Variants in PPARGC1B observed in about 807,000 individuals in gnomAD.
PPARGC1B encodes peroxisome proliferator-activated receptor gamma coactivator 1-beta.
In PPARGC1B, 34 loss-of-function variants were observed where a neutral mutation model predicts 101.6. The observed-to-expected ratio is 0.33, with a 90% CI of 0.25 to 0.45. The LOEUF (loss-of-function observed/expected upper bound fraction) is 0.45, where lower values mean the gene tolerates loss of function less well. PPARGC1B is among the 20% of genes least tolerant of loss of function. PPARGC1B has a pLI of 1.00. For synonymous variants in PPARGC1B, 548 were observed against 539.3 expected (o/e 1.02, Z -0.22); for missense variants, 1,234 against 1,317.6 (o/e 0.94, Z 0.98).
intron 3 of PPARGC1B, 25 bp from the exon 4 acceptor site, chr5:149,830,742 C>T (rs1174300036): frequency 6.4e-6 from 10 of 1,573,120 alleles, no homozygotes; most frequent in African/African-American, 1.3e-5. Flanking sequence ...AGCCCCGGCT[C>T]CTGTCCTCTC....
intron 1 of PPARGC1B, among the ~76,000 whole-genome samples, chr5:149,770,006 G>A (rs544100568): frequency 4.6e-5 from 7 of 152,250 alleles, no homozygotes; most frequent in African/African-American, 1.7e-4. Context: ...AGATCAGGAC[G>A]TGGACATCTG....
At chr5:149,774,927 G>T (rs183432103) in intron 1 of PPARGC1B, among the ~76,000 whole-genome samples, 1 of 152,266 alleles carries the variant, frequency 6.6e-6, no homozygotes, top group Admixed American at 6.5e-5. Context: ...CCAGGATCTA[G>T]ATGGGCTCAT....
At chr5:149,788,959 G>A (rs576477920) in intron 1 of PPARGC1B, among the ~76,000 whole-genome samples, 126 of 152,260 alleles carry the variant, frequency 8.3e-4, no homozygotes, top group African/African-American at 2.8e-3. Flanking sequence ...ATAACATTAG[G>A]AGATACACCT....
At chr5:149,753,675 G>A (rs1755401387) in intron 1 of PPARGC1B, among the ~76,000 whole-genome samples, 1 of 151,966 alleles carries the variant, frequency 6.6e-6, no homozygotes, top group Admixed American at 6.6e-5. Flanking sequence ...TCAGTTAAAA[G>A]GTGTTGTGTA....
intron 1 of PPARGC1B, among the ~76,000 whole-genome samples, chr5:149,736,150 CAAAA>C (rs1199411344): frequency 6.6e-6 from 1 of 152,012 alleles, no homozygotes; most frequent in Non-Finnish European, 1.5e-5. Flanking sequence ...TCCAAAAAAA[CAAAA>C]AAGAAAGAAT....
At chr5:149,818,336 C>T (rs992113466) in intron 1 of PPARGC1B, among the ~76,000 whole-genome samples, 1 of 152,196 alleles carries the variant, frequency 6.6e-6, no homozygotes, top group Non-Finnish European at 1.5e-5. Context: ...TGAGTGGGCT[C>T]TCAATAATGA....
At chr5:149,770,354 G>A (rs1351739516) in intron 1 of PPARGC1B, among the ~76,000 whole-genome samples, 5 of 152,126 alleles carry the variant, frequency 3.3e-5, no homozygotes, top group African/African-American at 9.7e-5. Context: ...CTAGAATCAT[G>A]TGTCTTTTGC....
intron 1 of PPARGC1B, among the ~76,000 whole-genome samples, chr5:149,811,986 G>A (rs192970359): frequency 3.9e-5 from 6 of 152,302 alleles, no homozygotes; most frequent in South Asian, 2.1e-4. Flanking sequence ...ATCCACTCCC[G>A]CCAGACCTGG....
intron 1 of PPARGC1B, among the ~76,000 whole-genome samples, chr5:149,818,252 T>C (rs10491360): frequency 0.11 from 16,136 of 152,272 alleles, 1,361 homozygotes; most frequent in African/African-American, 0.22. Context: ...GATTTAGAAT[T>C]ACATGTTTTG....
intron 1 of PPARGC1B, among the ~76,000 whole-genome samples, chr5:149,773,839 G>A (rs1051489484): frequency 6.6e-6 from 1 of 152,048 alleles, no homozygotes; most frequent in Non-Finnish European, 1.5e-5. Context: ...GAGGGAACTG[G>A]CTGCCCAGCG....
chr5:149,808,365 C>T lies in PPARGC1B; in HGVS notation c.79-12068C>T, dbSNP rs148113844. Among the ~76,000 whole-genome samples, 592 of 152,210 alleles carry T rather than the reference C, an allele frequency of 3.9e-3. 6 individuals are homozygous for T. The highest frequency in any genetic ancestry group is 0.031 in the East Asian group (158 of 5,180). On this transcript the variant is annotated intron_variant, in intron 1 of 11. Coordinates refer to ENST00000309241, the MANE Select transcript of PPARGC1B (RefSeq NM_133263.4). ...GGTCCTTGGATGCCAGGGCCTTTCA[C>T]TCCTGAGAGTCAAGAGAGCAGCTGA... is the stretch of plus-strand genomic sequence containing the variant.
At chr5:149,835,435 T>G (rs1455401737) in intron 7 of PPARGC1B, 70 bp downstream of exon 7, 32 of 1,396,098 alleles carry the variant, frequency 2.3e-5, no homozygotes, top group Non-Finnish European at 3.1e-5. Flanking sequence ...TTTTTCATCA[T>G]GCATGGGCAA....
chr5:149,804,979 T>C (rs1384026423), intron 1 of PPARGC1B, among the ~76,000 whole-genome samples: 3 of 152,134 alleles, frequency 2.0e-5, no homozygotes, highest in Non-Finnish European at 4.4e-5. Context: ...GGGGAGGGTT[T>C]TCAGCAGGAG....
Position 149,798,654 on chromosome 5 carries a change from C to G in PPARGC1B, c.79-21779C>G, listed in dbSNP as rs180896677. Reference sequence around the variant, plus strand: ...CTCCAGCCAATGGAGTTCTAGTTCACGTTCTTCCCCTGTTGCAACCTTGGT... The same window carrying G: ...CTCCAGCCAATGGAGTTCTAGTTCAGGTTCTTCCCCTGTTGCAACCTTGGT... On this transcript the variant is annotated intron_variant, in intron 1 of 11. Transcript: ENST00000309241. 2.7e-3 allele frequency among the ~76,000 whole-genome samples: 408 copies of G among 152,324 alleles called. 3 individuals are homozygous for G. The highest frequency in any genetic ancestry group is 3.5e-3 in the Non-Finnish European group (241 of 68,028).
rs552360007 is a variant in PPARGC1B, at chr5:149,832,301, C to G, written c.583-355C>G. ...AGTGCTCATTTGTAGCAAGTCCTTCCTACGCCCAGCTCCAGGCTACCATGA... is the reference window on the plus strand; with the variant it reads ...AGTGCTCATTTGTAGCAAGTCCTTCGTACGCCCAGCTCCAGGCTACCATGA... On this transcript the variant is annotated intron_variant, in intron 4 of 11. Coordinates refer to ENST00000309241, the MANE Select transcript of PPARGC1B (RefSeq NM_133263.4). This position sits in a 1 kb window ranked among gnomAD's most constrained non-coding sequence, Gnocchi z 4.9. Among the ~76,000 whole-genome samples, 21 of 152,170 alleles carry G rather than the reference C, an allele frequency of 1.4e-4. No individual in the cohort carries two copies. The highest frequency in any genetic ancestry group is 6.2e-4 in the South Asian group (3 of 4,824).
At position 149,826,657 on chromosome 5, in the gene PPARGC1B, G is replaced by T; in HGVS notation, c.253-16G>T. On this transcript the variant is annotated splice_polypyrimidine_tract_variant and intron_variant, in intron 2 of 11. Transcript: ENST00000309241. ...CCCCATCTGCCTTTCTGACCCTCCCGCCCTCCTCACTCCAGATTGACAGTG... is the reference window on the plus strand; with the variant it reads ...CCCCATCTGCCTTTCTGACCCTCCCTCCCTCCTCACTCCAGATTGACAGTG... The T allele has an allele frequency of 1.2e-6, 2 of 1,602,956 alleles. No homozygotes were observed. Among genetic ancestry groups the T allele is most frequent in the Non-Finnish European group, 1.7e-6 (2 of 1,170,168 alleles).
chr5:149,814,034 A>ATAATTTG, intron 1 of PPARGC1B, among the ~76,000 whole-genome samples: 1 of 152,166 alleles, frequency 6.6e-6, no homozygotes, highest in Non-Finnish European at 1.5e-5. Context: ...GGGATCACAA[A>ATAATTTG]CATTCAGACC....
At position 149,849,700 on chromosome 5, in the gene PPARGC1B, T is replaced by C. The variant is rs1427392703; in HGVS notation, c.*2142T>C. The C allele has an allele frequency of 6.6e-6, 1 of 152,242 alleles. No homozygotes were observed. Among genetic ancestry groups the C allele is most frequent in the Non-Finnish European group, 1.5e-5 (1 of 68,042 alleles). The allele number at this position is 152,242 out of a possible 1,614,324, so 9.4% of individuals were successfully genotyped here. A position where few individuals can be genotyped will look rare whatever the true frequency, so the allele number is the denominator to read the frequency against. ...TGGGTTTCATGCTGGCCTATCCCTG[T>C]CTGTGATGTTCCGTTCCATGAGAGA... is the stretch of plus-strand genomic sequence containing the variant. On this transcript the variant is annotated 3_prime_UTR_variant, in exon 12 of 12. Coordinates refer to ENST00000309241, the MANE Select transcript of PPARGC1B (RefSeq NM_133263.4).
At chr5:149,821,619 C>A (rs531012434) in intron 2 of PPARGC1B, among the ~76,000 whole-genome samples, 1 of 152,202 alleles carries the variant, frequency 6.6e-6, no homozygotes, top group Non-Finnish European at 1.5e-5. Context: ...ACAATAACAT[C>A]GCGTGTGCTG....
Sources: allele counts gnomAD v4.1 joint callset (sites outside exome capture counted in the v4.1 genomes callset), GRCh38; gene constraint gnomAD v4.1.1; non-coding constraint Gnocchi (gnomAD v3.1); transcripts MANE v1.5; gene names NCBI Gene and HGNC (gene_info 2026-07-23, HGNC 2026-07-21).